The following PTPRD variants were observed in gnomAD, a reference collection of about 807,000 sequenced individuals.
PTPRD encodes receptor-type tyrosine-protein phosphatase delta.
In PTPRD, 34 loss-of-function variants were observed where a neutral mutation model predicts 214.5. That is an observed-to-expected ratio of 0.16 (90% confidence interval 0.12 to 0.21). PTPRD has a LOEUF of 0.21. Ranked by LOEUF, PTPRD falls within the 10% of genes least tolerant of loss-of-function variation. PTPRD has a pLI of 1.00. For synonymous variants in PTPRD, 1,128 were observed against 845.7 expected (o/e 1.33, Z -5.79); for missense variants, 2,545 against 2,398.7 (o/e 1.06, Z -1.27).
chr9:8,463,608 A>T (rs1232610902), intron 32 of PTPRD, among the ~76,000 whole-genome samples: 1 of 151,984 alleles, frequency 6.6e-6, no homozygotes, highest in Admixed American at 6.6e-5. Context: ...CAAGAAACAG[A>T]GACATATGAA....
rs1210870528 is a variant in PTPRD, at chr9:8,319,756, A to C, written c.5670+75T>G. 2.6e-6 allele frequency: 4 copies of C among 1,555,218 alleles called. No individual in the cohort carries two copies. In the Admixed American group the frequency reaches 7.6e-5, roughly 29 times the overall value. On this transcript the variant is annotated intron_variant, in intron 45 of 45. Coordinates refer to ENST00000381196, the MANE Select transcript of PTPRD (RefSeq NM_002839.4). ...AGTATTTTGTGTCTGGTGTTGAGAG[A>C]GTATGGAGTCCGGGAGGTCCAGGCT...
Position 8,528,789 on chromosome 9 carries a change from A to G in PTPRD, c.353-10T>C. On this transcript the variant is annotated splice_polypyrimidine_tract_variant and intron_variant, in intron 14 of 45. Coordinates refer to ENST00000381196, the MANE Select transcript of PTPRD (RefSeq NM_002839.4). ...CTGGGAATTTGATCTTCTGCAAGAC[A>G]AAAGGTGATAGAAACATTCAGTTAA... 6.2e-7 allele frequency: 1 copy of G among 1,611,980 alleles called. No homozygotes were observed. Among genetic ancestry groups the G allele is most frequent in the East Asian group, 2.2e-5 (1 of 44,788 alleles).
At chr9:10,413,319 C>G (rs1378689739) in intron 2 of PTPRD, among the ~76,000 whole-genome samples, 1 of 151,754 alleles carries the variant, frequency 6.6e-6, no homozygotes, top group African/African-American at 2.4e-5. Flanking sequence ...CCAACAACGA[C>G]CAAGTTGAAA....
chr9:8,697,841 C>G (rs997902306), intron 12 of PTPRD, among the ~76,000 whole-genome samples: 1 of 152,022 alleles, frequency 6.6e-6, no homozygotes, highest in Non-Finnish European at 1.5e-5. Flanking sequence ...GAATAAACAA[C>G]TGAAGTTATC....
At chr9:10,146,662 C>G (rs758725962) in intron 3 of PTPRD, among the ~76,000 whole-genome samples, 1 of 152,100 alleles carries the variant, frequency 6.6e-6, no homozygotes, top group Non-Finnish European at 1.5e-5. Context: ...ACTTATTTGG[C>G]TCTATTCAAC....
At chr9:9,899,467 A>T (rs528671047) in intron 5 of PTPRD, among the ~76,000 whole-genome samples, 140 of 152,298 alleles carry the variant, frequency 9.2e-4, no homozygotes, top group African/African-American at 3.2e-3. Context: ...AACACAATTC[A>T]TCAGGGAAAT....
chr9:9,021,609 C>T (rs1267223937), intron 10 of PTPRD, among the ~76,000 whole-genome samples: 1 of 151,936 alleles, frequency 6.6e-6, no homozygotes, highest in Non-Finnish European at 1.5e-5. Flanking sequence ...GCATTGCTGT[C>T]GTAGGAGATG....
intron 11 of PTPRD, chr9:8,861,210 G>C (rs962838644): frequency 6.6e-6 from 1 of 152,106 alleles, no homozygotes; most frequent in African/African-American, 2.4e-5. Flanking sequence ...ATCCTAACAG[G>C]AGACTAAAAA....
At chr9:10,235,400 C>T (rs887013315) in intron 3 of PTPRD, among the ~76,000 whole-genome samples, 1 of 151,872 alleles carries the variant, frequency 6.6e-6, no homozygotes, top group East Asian at 1.9e-4. Context: ...TCCCTCGTCG[C>T]GCATCAGAAA....
intron 11 of PTPRD, among the ~76,000 whole-genome samples, chr9:8,775,158 A>G (rs1028806450): frequency 6.6e-6 from 1 of 152,222 alleles, no homozygotes; most frequent in African/African-American, 2.4e-5. Flanking sequence ...AAAATACATC[A>G]TTAAAAAATG....
intron 9 of PTPRD, among the ~76,000 whole-genome samples, chr9:9,255,533 G>T (rs969201188): frequency 1.4e-4 from 21 of 152,024 alleles, no homozygotes; most frequent in Admixed American, 6.6e-5. Flanking sequence ...CAAAGAGAAT[G>T]TATGTAACAT....
intron 4 of PTPRD, among the ~76,000 whole-genome samples, chr9:9,995,095 A>G (rs1331327019): frequency 6.6e-6 from 1 of 152,156 alleles, no homozygotes; most frequent in Non-Finnish European, 1.5e-5. Flanking sequence ...TTTACTATGT[A>G]GAAACATACA....
At chr9:9,936,201 T>C (rs999899558) in intron 5 of PTPRD, among the ~76,000 whole-genome samples, 1 of 148,586 alleles carries the variant, frequency 6.7e-6, no homozygotes, top group African/African-American at 2.6e-5. Flanking sequence ...CCAAAAGCAA[T>C]GGCAACAAAA....
At chr9:10,148,009 C>G (rs1240856952) in intron 3 of PTPRD, among the ~76,000 whole-genome samples, 2 of 152,274 alleles carry the variant, frequency 1.3e-5, no homozygotes, top group Admixed American at 1.3e-4. Flanking sequence ...CGTTTTGTTT[C>G]TTTGGAGATA....
intron 8 of PTPRD, among the ~76,000 whole-genome samples, chr9:9,494,991 G>T (rs1273064636): frequency 1.3e-5 from 2 of 152,080 alleles, no homozygotes; most frequent in African/African-American, 2.4e-5. Context: ...ATAGAAAAGA[G>T]AGCTCAGAAA....
Position 9,594,005 on chromosome 9 carries a change from A to T in PTPRD, c.-286-19224T>A, listed in dbSNP as rs557403045. ...TTGGTATGACAATATAGGATAGTACAGTGGTACTTGTATGTGGACAATGGA... is the reference window on the plus strand; with the variant it reads ...TTGGTATGACAATATAGGATAGTACTGTGGTACTTGTATGTGGACAATGGA... On this transcript the variant is annotated intron_variant, in intron 7 of 45. Coordinates refer to ENST00000381196, the MANE Select transcript of PTPRD (RefSeq NM_002839.4). Among the ~76,000 whole-genome samples, 5 of 152,196 alleles carry T rather than the reference A, an allele frequency of 3.3e-5. No homozygotes were observed. The East Asian group carries it at 9.7e-4, about 30-fold the overall frequency.
At chr9:9,030,666 G>GT (rs927161827) in intron 10 of PTPRD, among the ~76,000 whole-genome samples, 11 of 151,608 alleles carry the variant, frequency 7.3e-5, no homozygotes, top group South Asian at 4.2e-4. Flanking sequence ...TGTCATCATT[G>GT]TTTTTTTTAT....
intron 8 of PTPRD, among the ~76,000 whole-genome samples, chr9:9,510,592 G>T: frequency 6.6e-6 from 1 of 150,710 alleles, no homozygotes. Context: ...AAAAAGTTTG[G>T]TCCTTTACTT....
At chr9:9,937,258 A>G (rs996941292) in intron 5 of PTPRD, among the ~76,000 whole-genome samples, 5 of 151,574 alleles carry the variant, frequency 3.3e-5, no homozygotes, top group African/African-American at 9.7e-5. Flanking sequence ...AAAATAAAAA[A>G]TAAATTACTA....
Sources: allele counts gnomAD v4.1 joint callset (sites outside exome capture counted in the v4.1 genomes callset), GRCh38; gene constraint gnomAD v4.1.1; transcripts MANE v1.5; gene names NCBI Gene and HGNC (gene_info 2026-07-23, HGNC 2026-07-21).